Variants in TUBGCP2 observed in about 807,000 individuals in gnomAD.
The protein encoded by TUBGCP2 is gamma-tubulin complex component 2.
TUBGCP2 carries 55 observed loss-of-function variants against 92.2 expected under a neutral mutation model. The observed-to-expected ratio is 0.60, with a 90% CI of 0.48 to 0.75. TUBGCP2 has a LOEUF of 0.75. Among genes scored for constraint, TUBGCP2 ranks in the 30% least tolerant of loss-of-function variants. TUBGCP2 has a pLI of 0.00. For synonymous variants in TUBGCP2, 533 were observed against 505.2 expected, an observed-to-expected ratio of 1.06 and a Z score of -0.74; for missense variants, 1,093 against 1,188.9, an observed-to-expected ratio of 0.92 and a Z score of 1.19.
upstream of TUBGCP2, chr10:133,310,635 C>T (rs1847970478): frequency 3.1e-6 from 1 of 319,434 alleles, no homozygotes; most frequent in South Asian, 3.1e-5. Context: ...GCACTCACAC[C>T]CCTCGGGGCC....
In TUBGCP2 at chr10:133,279,504, A is replaced by C. The variant is rs1228058297; in HGVS notation, c.*262T>G. On this transcript the variant is annotated 3_prime_UTR_variant, in exon 18 of 18. Coordinates refer to ENST00000252936, the MANE Select transcript of TUBGCP2 (RefSeq NM_006659.4). The stretch of plus-strand genomic sequence containing the variant: ...TTAAACACCATGTATTTCCACTTTG[A>C]GGCCAAAAACACCCAAAAAGGTGAT... 2 of 502,450 alleles carry C rather than the reference A, an allele frequency of 4.0e-6. No homozygotes were observed. The highest frequency in any genetic ancestry group is 3.8e-5 in the East Asian group (1 of 26,460). The allele number at this position is 502,450 out of a possible 1,614,324, so 31.1% of individuals were successfully genotyped here. A position where few individuals can be genotyped will look rare whatever the true frequency, so the allele number is the denominator to read the frequency against.
chr10:133,311,738 G>A, upstream of TUBGCP2: 1 of 1,613,590 alleles, frequency 6.2e-7, no homozygotes, highest in Non-Finnish European at 8.5e-7. Context: ...AGAAGCCCCA[G>A]GGGACAGTGG....
At chr10:133,310,254 G>A, upstream of TUBGCP2, 2 of 1,614,024 alleles carry the variant, frequency 1.2e-6, no homozygotes, top group South Asian at 2.2e-5. Context: ...GTACCCCGCG[G>A]ACTTCCGGTT....
chr10:133,298,834 G>A (rs1432925187), intron 4 of TUBGCP2, among the ~76,000 whole-genome samples: 2 of 152,234 alleles, frequency 1.3e-5, no homozygotes, highest in African/African-American at 4.8e-5. Flanking sequence ...TGGGTCCTTG[G>A]GAGCCGCTGC....
upstream of TUBGCP2, chr10:133,310,674 G>A (rs754767359): frequency 4.8e-5 from 12 of 252,438 alleles, no homozygotes; most frequent in Admixed American, 1.5e-4. Flanking sequence ...GCCGTCGGCC[G>A]TGCTCACACA....
rs571004752 is a variant in TUBGCP2 at position 133,305,021 on chromosome 10, T to G, written c.-39-2041A>C. Among the ~76,000 whole-genome samples the G allele has an allele frequency of 2.0e-5, 3 of 151,462 alleles. No individual in the cohort carries two copies. In the South Asian group the frequency reaches 6.3e-4, roughly 32 times the overall value. ...CTACTTAGCAGACCGGGAAAGGGAG[T>G]CTCCCTTTCCCCGGAGAGTTTAGAG... On this transcript the variant is annotated intron_variant, in intron 1 of 17. Transcript: ENST00000252936.
chr10:133,282,614 C>T (rs1847011291), intron 15 of TUBGCP2, among the ~76,000 whole-genome samples: 5 of 152,156 alleles, frequency 3.3e-5, no homozygotes, highest in Admixed American at 2.6e-4. Context: ...TGCCCTCCTC[C>T]ACCTCCCCAC....
upstream of TUBGCP2, among the ~76,000 whole-genome samples, chr10:133,311,066 T>C (rs1847980293): frequency 6.6e-6 from 1 of 152,248 alleles, no homozygotes; most frequent in Admixed American, 6.5e-5. Context: ...CCTCCCAAAG[T>C]GCTGAGATTG....
At chr10:133,310,624 C>T (rs546716970), upstream of TUBGCP2, 82 of 341,200 alleles carry the variant, frequency 2.4e-4, no homozygotes, top group African/African-American at 1.5e-3. Flanking sequence ...CGTGGTCATC[C>T]GCACTCACAC....
intron 13 of TUBGCP2, among the ~76,000 whole-genome samples, 182 bp downstream of exon 13, chr10:133,284,903 G>C (rs1413784508): frequency 6.6e-6 from 1 of 152,260 alleles, no homozygotes; most frequent in Non-Finnish European, 1.5e-5. Flanking sequence ...GCAGCCCCAA[G>C]ACAGGAAAAT....
In TUBGCP2 at chr10:133,289,113, TTGAA is replaced by T. The variant is rs528587627; in HGVS notation, c.1361-97_1361-94del. The T allele has an allele frequency of 2.7e-4, 379 of 1,394,096 alleles. 1 individual carries two copies. The African/African-American group carries it at 5.1e-3, about 19-fold the overall frequency. 86.4% of individuals were successfully genotyped at this position (1,394,096 alleles called of 1,614,324 possible). On this transcript the variant is annotated intron_variant, in intron 9 of 17. Transcript: ENST00000252936. ...TACACAGGAGGCAGTGGAATGGACA[TTGAA>T]TGGGCTCTCCACACGGTCAGTCTGA...
rs1389175078 is a variant in TUBGCP2 at position 133,285,111 on chromosome 10, C to T, written c.1998G>A (p.Lys666=). 3 of 1,610,792 alleles carry T rather than the reference C, an allele frequency of 1.9e-6. No homozygotes were observed. Among genetic ancestry groups the T allele is most frequent in the Non-Finnish European group, 2.5e-6 (3 of 1,177,902 alleles). Residue 666 remains lysine, a synonymous_variant, in exon 13 of 18, where the codon AAG becomes AAA. Transcript: ENST00000252936. The surrounding 1 kb of genome is among the most constrained non-coding windows in gnomAD (Gnocchi z 6.8). The part of the protein sequence containing the change: ...CSVWISNKTA[K]QHSLHSAQWF... ...ACTGGGCGGAGTGCAGCGAGTGCTG[C>T]TTGGCGGTTTTGTTGCTGATCCAGA...
intron 9 of TUBGCP2, 78 bp downstream of exon 9, chr10:133,289,746 T>A: frequency 3.0e-6 from 4 of 1,340,692 alleles, no homozygotes; most frequent in Non-Finnish European, 3.9e-6. Flanking sequence ...AGGCTCCCGG[T>A]GGGAGGGCCT....
At chr10:133,310,605 G>A (rs1194756470), upstream of TUBGCP2, 4 of 371,104 alleles carry the variant, frequency 1.1e-5, no homozygotes, top group Admixed American at 8.5e-5. Context: ...ACCTCCTGCA[G>A]CAGTCGGCCG....
chr10:133,307,706 C>T (rs1336991970), intron 1 of TUBGCP2, among the ~76,000 whole-genome samples: 1 of 152,178 alleles, frequency 6.6e-6, no homozygotes, highest in Non-Finnish European at 1.5e-5. Context: ...GATCGCGCCA[C>T]TGCACTCCAG....
intron 11 of TUBGCP2, among the ~76,000 whole-genome samples, chr10:133,287,373 G>T (rs1477590592): frequency 6.6e-6 from 1 of 152,170 alleles, no homozygotes; most frequent in African/African-American, 2.4e-5. Context: ...CTTGAGCCCA[G>T]GGGTTCAACC....
At position 133,284,288 on chromosome 10, in the gene TUBGCP2, G is replaced by A. The variant is rs150521976; in HGVS notation, c.2025-286C>T. ...GGGCTCCTTGGTGGACGGACCCCTC[G>A]GAGCCCACGCCAGGAAAGTGCCACA... On this transcript the variant is annotated intron_variant, in intron 13 of 17. Transcript: ENST00000252936. 4.3e-3 allele frequency among the ~76,000 whole-genome samples: 661 copies of A among 152,296 alleles called. 3 individuals are homozygous for A. The highest frequency in any genetic ancestry group is 0.015 in the African/African-American group (642 of 41,560).
rs1008132476 is a variant in TUBGCP2 at position 133,305,563 on chromosome 10, G to A, written c.-39-2583C>T. 2.6e-5 allele frequency among the ~76,000 whole-genome samples: 4 copies of A among 152,008 alleles called. No homozygotes were observed. The East Asian group carries it at 7.7e-4, about 29-fold the overall frequency. Reference sequence around the variant, plus strand: ...AATCTCTCATCTCCGCACACGAGGAGAAAAACCCACCGACCCTGTGGGGCT... The same window carrying A: ...AATCTCTCATCTCCGCACACGAGGAAAAAAACCCACCGACCCTGTGGGGCT... On this transcript the variant is annotated intron_variant, in intron 1 of 17. Coordinates refer to ENST00000252936, the MANE Select transcript of TUBGCP2 (RefSeq NM_006659.4).
chr10:133,307,172 G>A (rs1229324321), intron 1 of TUBGCP2, among the ~76,000 whole-genome samples: 1 of 152,216 alleles, frequency 6.6e-6, no homozygotes, highest in Non-Finnish European at 1.5e-5. Context: ...AGCCATGGCC[G>A]CTGACTTGGC....
Sources: allele counts gnomAD v4.1 joint callset (sites outside exome capture counted in the v4.1 genomes callset), GRCh38; gene constraint gnomAD v4.1.1; non-coding constraint Gnocchi (gnomAD v3.1); transcripts MANE v1.5; gene names NCBI Gene and HGNC (gene_info 2026-07-23, HGNC 2026-07-21).